Variants in LRRC7 observed in about 807,000 individuals in gnomAD.
The protein encoded by LRRC7 is leucine-rich repeat-containing protein 7.
In LRRC7, 23 loss-of-function variants were observed where a neutral mutation model predicts 175.7. The ratio of observed to expected loss-of-function variants is 0.13; its 90% CI spans 0.09 to 0.19. The LOEUF is 0.19. Among genes scored for constraint, LRRC7 ranks in the 10% least tolerant of loss-of-function variants. The probability of loss-of-function intolerance (pLI) is 1.00; values close to 1 mark genes in which losing one functional copy is unlikely to be tolerated. For synonymous variants in LRRC7, 685 were observed against 680.9 expected, an observed-to-expected ratio of 1.01 and a Z score of -0.09; for missense variants, 1,354 against 1,904.7, an observed-to-expected ratio of 0.71 and a Z score of 5.38.
chr1:69,804,970 G>A (rs1468079880), intron 4 of LRRC7, among the ~76,000 whole-genome samples: 2 of 151,638 alleles, frequency 1.3e-5, no homozygotes, highest in Non-Finnish European at 3.0e-5. Context: ...TAGAGACTAC[G>A]ACACTATAAT....
intron 1 of LRRC7, among the ~76,000 whole-genome samples, chr1:69,659,068 C>T (rs1657060769): frequency 6.6e-6 from 1 of 151,958 alleles, no homozygotes; most frequent in Non-Finnish European, 1.5e-5. Flanking sequence ...AAGAATGCAG[C>T]TTCTGCTCAC....
At chr1:70,073,247 A>G (rs2102121655) in intron 23 of LRRC7, among the ~76,000 whole-genome samples, 1 of 152,286 alleles carries the variant, frequency 6.6e-6, no homozygotes, top group East Asian at 1.9e-4. Context: ...TGTGTCAGTC[A>G]TTAAAAACTG....
intron 1 of LRRC7, among the ~76,000 whole-genome samples, chr1:69,636,296 G>A (rs926935804): frequency 5.9e-5 from 9 of 151,860 alleles, no homozygotes; most frequent in African/African-American, 2.2e-4. Flanking sequence ...CATCTGTTAG[G>A]CATTTTTCTT....
chr1:70,078,906 A>G (rs1663012003), intron 24 of LRRC7, among the ~76,000 whole-genome samples: 1 of 152,036 alleles, frequency 6.6e-6, no homozygotes, highest in Admixed American at 6.6e-5. Flanking sequence ...TAGAAATAGA[A>G]TATTTTAAGA....
At chr1:70,107,064 C>T (rs894634094) in intron 25 of LRRC7, among the ~76,000 whole-genome samples, 1 of 152,154 alleles carries the variant, frequency 6.6e-6, no homozygotes, top group African/African-American at 2.4e-5. Context: ...GCCATCCAGG[C>T]CTAGCATGTG....
At chr1:69,994,912 G>A (rs1355808486) in intron 11 of LRRC7, among the ~76,000 whole-genome samples, 1 of 151,922 alleles carries the variant, frequency 6.6e-6, no homozygotes, top group South Asian at 2.1e-4. Flanking sequence ...TTATACTCTT[G>A]CTGATATTTT....
At chr1:69,768,398 C>T (rs1342607201) in intron 3 of LRRC7, among the ~76,000 whole-genome samples, 1 of 152,162 alleles carries the variant, frequency 6.6e-6, no homozygotes, top group Non-Finnish European at 1.5e-5. Context: ...TCAAACATCA[C>T]TGGAGAAGCT....
chr1:70,042,187 A>G (rs943691544), intron 21 of LRRC7, among the ~76,000 whole-genome samples: 3 of 152,194 alleles, frequency 2.0e-5, no homozygotes, highest in African/African-American at 7.2e-5. Context: ...CAGTTGAGTT[A>G]CTGAGCTATT....
intron 2 of LRRC7, among the ~76,000 whole-genome samples, chr1:69,693,668 TC>T (rs1662194087): frequency 6.6e-6 from 1 of 152,106 alleles, no homozygotes; most frequent in Non-Finnish European, 1.5e-5. Flanking sequence ...CACAGAAACA[TC>T]CAAAATAAGA....
In LRRC7 at chr1:70,089,776, G is replaced by T. The variant is rs925060864; in HGVS notation, c.4502G>T (p.Gly1501Val). 1 of 1,609,984 alleles carries T rather than the reference G, an allele frequency of 6.2e-7. No homozygotes were observed. Residue 1501 changes from glycine to valine, a missense_variant, in exon 25 of 27, where the codon GGT (glycine) becomes GTT (valine). By Grantham distance (109) the Gly-to-Val change is moderately radical. Coordinates refer to ENST00000651989, the MANE Select transcript of LRRC7 (RefSeq NM_001370785.2). ...CCTGGCCTTGGATTTAGTATCAGTG[G>T]TGGAATTAGTGGACAAGGAAATCCA... ...KNPGLGFSIS[G>V]GISGQGNPFK...
At chr1:69,811,253 T>C (rs4504840) in intron 4 of LRRC7, among the ~76,000 whole-genome samples, 24,504 of 152,050 alleles carry the variant, frequency 0.16, 2,384 homozygotes, top group East Asian at 0.49. Context: ...TGGCAATCAT[T>C]AAAAAGTCAG....
intron 1 of LRRC7, among the ~76,000 whole-genome samples, chr1:69,600,800 C>CTTTTTTTTTTTTTTTTTTTTTTTTTT (rs59212223): frequency 1.5e-5 from 1 of 64,896 alleles, no homozygotes. Context: ...TCTCTGGTTT[C>CTTTTTTTTTTTTTTTTTTTTTTTTTT]TTTTTTTTTT....
chr1:69,895,016 C>T (rs1044807752), intron 7 of LRRC7, among the ~76,000 whole-genome samples: 4 of 152,168 alleles, frequency 2.6e-5, no homozygotes, highest in South Asian at 4.1e-4. Flanking sequence ...CACCCGAGGT[C>T]GGGAGTTCAA....
chr1:69,675,788 C>T (rs1195039728), intron 1 of LRRC7, among the ~76,000 whole-genome samples: 5 of 151,934 alleles, frequency 3.3e-5, no homozygotes, highest in East Asian at 1.9e-4. Context: ...ATCTTCACCC[C>T]GCCCCCCACA....
At chr1:69,806,915 T>A (rs1168398367) in intron 4 of LRRC7, among the ~76,000 whole-genome samples, 1 of 151,978 alleles carries the variant, frequency 6.6e-6, no homozygotes, top group African/African-American at 2.4e-5. Flanking sequence ...TCAGACAATT[T>A]TAAGGAGGCA....
chr1:69,852,495 G>A (rs2101469365), intron 7 of LRRC7, among the ~76,000 whole-genome samples: 1 of 152,166 alleles, frequency 6.6e-6, no homozygotes, highest in African/African-American at 2.4e-5. Context: ...CAAGTACAAT[G>A]TTCATTGTTT....
chr1:69,796,273 C>T (rs959347550), intron 4 of LRRC7, among the ~76,000 whole-genome samples: 3 of 151,746 alleles, frequency 2.0e-5, no homozygotes, highest in Non-Finnish European at 2.9e-5. Context: ...CCAGTTTCAT[C>T]CATGTCCCTA....
At chr1:70,064,085 T>C (rs1178878510) in intron 23 of LRRC7, among the ~76,000 whole-genome samples, 3 of 152,010 alleles carry the variant, frequency 2.0e-5, no homozygotes, top group East Asian at 1.9e-4. Flanking sequence ...GAATGCCCTC[T>C]AAAATTACTG....
chr1:69,866,157 A>AATGATAAAG lies in LRRC7; in HGVS notation c.647+27875_647+27883dup, dbSNP rs1204655302. On this transcript the variant is annotated intron_variant, in intron 7 of 26. Coordinates refer to ENST00000651989, the MANE Select transcript of LRRC7 (RefSeq NM_001370785.2). ...AAGAGCCCAGGAGGGTGAGTCTTCT[A>AATGATAAAG]ATGATAAAGGTTTGTTGTGTTTGTC... Among the ~76,000 whole-genome samples, 5 of 152,304 alleles carry AATGATAAAG rather than the reference A, an allele frequency of 3.3e-5. No homozygotes were observed. In the East Asian group the frequency reaches 9.6e-4, roughly 29 times the overall value.
Sources: gnomAD v4.1 joint callset for allele counts (sites outside exome capture counted in the v4.1 genomes callset) on GRCh38, gnomAD v4.1.1 for gene constraint, MANE v1.5 for transcripts, NCBI Gene and HGNC (gene_info 2026-07-23, HGNC 2026-07-21) for gene names.